Variants in RALGPS1 observed in about 807,000 individuals in gnomAD.
RALGPS1 encodes Ral GEF with PH domain and SH3 binding motif 1.
A neutral mutation model predicts 78.8 loss-of-function variants in RALGPS1; 19 were observed. The ratio of observed to expected loss-of-function variants is 0.24; its 90% CI spans 0.17 to 0.35. RALGPS1 has a LOEUF of 0.35. Among genes scored for constraint, RALGPS1 ranks in the 10% least tolerant of loss-of-function variants. RALGPS1 has a pLI of 1.00. For synonymous variants in RALGPS1, 228 were observed against 256.3 expected (o/e 0.89, Z 1.06); for missense variants, 454 against 688.3 (o/e 0.66, Z 3.81).
At chr9:127,127,196 C>T (rs930443524) in intron 8 of RALGPS1, among the ~76,000 whole-genome samples, 4 of 152,342 alleles carry the variant, frequency 2.6e-5, no homozygotes, top group African/African-American at 9.6e-5. Context: ...TCTTCCCAGA[C>T]AGTAGACTGC....
intron 1 of RALGPS1, among the ~76,000 whole-genome samples, chr9:126,918,150 A>T (rs2034368058): frequency 6.6e-6 from 1 of 152,218 alleles, no homozygotes; most frequent in South Asian, 2.1e-4. Context: ...TTGCACAAAA[A>T]TATTGTAACA....
chr9:127,094,977 A>G (rs1195515667), intron 8 of RALGPS1, among the ~76,000 whole-genome samples: 1 of 152,230 alleles, frequency 6.6e-6, no homozygotes, highest in African/African-American at 2.4e-5. Flanking sequence ...AACTTGAGTC[A>G]CCAAGGGTCT....
chr9:127,183,958 C>T lies in RALGPS1; in HGVS notation c.910+9176C>T. ...GCCAACACCCTGCCTGGATGTGGCC[C>T]AGCTCCTCACGAGTACCAGCGGCTC... On this transcript the variant is annotated intron_variant, in intron 11 of 18. Transcript: ENST00000259351. This position sits in a 1 kb window ranked among gnomAD's most constrained non-coding sequence, Gnocchi z 4.0. The T allele has an allele frequency of 6.4e-7, 1 of 1,550,468 alleles. No homozygotes were observed. The highest frequency in any genetic ancestry group is 2.4e-5 in the East Asian group (1 of 40,862).
rs938723296 is a variant in RALGPS1 at position 126,950,903 on chromosome 9, A to G, written c.-65-11322A>G. 2.2e-4 allele frequency among the ~76,000 whole-genome samples: 34 copies of G among 152,218 alleles called. 1 individual carries two copies. The highest frequency in any genetic ancestry group is 2.0e-3 in the Admixed American group (31 of 15,296). On this transcript the variant is annotated intron_variant, in intron 1 of 18. Transcript: ENST00000259351. ...AGCTGGTTTTTTGAAAGGATCAACAAAATTGATAGACTGCTAGCAAGACTA... is the reference window on the plus strand; with the variant it reads ...AGCTGGTTTTTTGAAAGGATCAACAGAATTGATAGACTGCTAGCAAGACTA...
At chr9:127,038,064 C>G (rs1259775037) in intron 5 of RALGPS1, among the ~76,000 whole-genome samples, 1 of 152,200 alleles carries the variant, frequency 6.6e-6, no homozygotes, top group Non-Finnish European at 1.5e-5. Context: ...CCAGTCTGCT[C>G]TGAACTTTCT....
chr9:127,127,174 A>G (rs751656532), intron 8 of RALGPS1, among the ~76,000 whole-genome samples: 6 of 152,016 alleles, frequency 3.9e-5, no homozygotes, highest in Non-Finnish European at 8.8e-5. Context: ...TCAAAGTCCA[A>G]CCTCTTTCCC....
intron 1 of RALGPS1, among the ~76,000 whole-genome samples, chr9:126,944,105 C>T (rs2037032360): frequency 6.6e-6 from 1 of 152,210 alleles, no homozygotes; most frequent in Non-Finnish European, 1.5e-5. Flanking sequence ...TGTCTGGGTC[C>T]CTTACCATCC....
intron 4 of RALGPS1, among the ~76,000 whole-genome samples, chr9:127,004,346 A>G (rs530169576): frequency 6.6e-5 from 10 of 152,320 alleles, no homozygotes; most frequent in South Asian, 4.1e-4. Flanking sequence ...GTGTTTCGCA[A>G]TGTTGGCCAG....
intron 8 of RALGPS1, chr9:127,088,664 G>A (rs1201544460): frequency 2.0e-6 from 1 of 489,320 alleles, no homozygotes; most frequent in Non-Finnish European, 3.7e-6. Flanking sequence ...TTTTATTGTA[G>A]AGACTTAATT....
intron 8 of RALGPS1, among the ~76,000 whole-genome samples, chr9:127,155,148 C>T (rs2058643119): frequency 6.6e-6 from 1 of 152,166 alleles, no homozygotes; most frequent in Non-Finnish European, 1.5e-5. Context: ...CGCAGCCACC[C>T]TTCCACTGAG....
chr9:127,157,681 A>G (rs2058780584), intron 8 of RALGPS1, among the ~76,000 whole-genome samples: 1 of 152,030 alleles, frequency 6.6e-6, no homozygotes, highest in Non-Finnish European at 1.5e-5. Flanking sequence ...TGATTTATGT[A>G]TATTTATTTT....
chr9:127,051,091 C>G (rs865789614), intron 6 of RALGPS1, among the ~76,000 whole-genome samples: 1 of 152,226 alleles, frequency 6.6e-6, no homozygotes, highest in African/African-American at 2.4e-5. Context: ...TACTGGCCCT[C>G]ATGGGCGGGT....
chr9:126,931,792 T>A (rs1271952032), intron 1 of RALGPS1, among the ~76,000 whole-genome samples: 2 of 152,132 alleles, frequency 1.3e-5, no homozygotes. Context: ...TATCTGAATT[T>A]AAAAAAATAA....
In RALGPS1 at chr9:127,174,696, T is replaced by C. The variant is rs376248070; in HGVS notation, c.843-19T>C. The C allele has an allele frequency of 3.0e-5, 48 of 1,613,356 alleles. No individual in the cohort carries two copies. In the African/African-American group the frequency reaches 5.7e-4, roughly 19 times the overall value. On this transcript the variant is annotated intron_variant, in intron 10 of 18. Transcript: ENST00000259351. ...GTAAACCAGAGCCCATCTGATCTTA[T>C]GAAAATCTTTGTTTTCAGACTGTCG...
intron 4 of RALGPS1, among the ~76,000 whole-genome samples, chr9:126,984,089 G>C (rs546268749): frequency 6.6e-6 from 1 of 152,180 alleles, no homozygotes; most frequent in South Asian, 2.1e-4. Flanking sequence ...TAGCAAAATG[G>C]TGACTTTTCT....
At chr9:127,161,368 T>G (rs941239334) in intron 8 of RALGPS1, among the ~76,000 whole-genome samples, 1 of 152,196 alleles carries the variant, frequency 6.6e-6, no homozygotes, top group Non-Finnish European at 1.5e-5. Context: ...GTTATTACCC[T>G]TATTCACAGT....
chr9:127,091,986 G>T lies in RALGPS1; in HGVS notation c.610+22630G>T, dbSNP rs767276881. On this transcript the variant is annotated intron_variant, in intron 8 of 18. Coordinates refer to ENST00000259351, the MANE Select transcript of RALGPS1 (RefSeq NM_014636.3). The surrounding 1 kb of genome is among the most constrained non-coding windows in gnomAD (Gnocchi z 4.3). ...TGTTAATGTGGAGCCTGCAGCACCT[G>T]CAGCCAGCAGGCTTGGCTGTCAGAC... 1 of 1,593,644 alleles carries T rather than the reference G, an allele frequency of 6.3e-7. No individual in the cohort carries two copies. Among genetic ancestry groups the T allele is most frequent in the Non-Finnish European group, 8.6e-7 (1 of 1,168,128 alleles).
chr9:127,148,608 A>G (rs533651758), intron 8 of RALGPS1, among the ~76,000 whole-genome samples: 2 of 152,340 alleles, frequency 1.3e-5, no homozygotes, highest in Admixed American at 1.3e-4. Context: ...GGTGAGGCTC[A>G]GAAGGGTGAG....
chr9:126,932,689 C>A (rs1366953402), intron 1 of RALGPS1, among the ~76,000 whole-genome samples: 1 of 151,418 alleles, frequency 6.6e-6, no homozygotes, highest in African/African-American at 2.4e-5. Flanking sequence ...ATATAATGTA[C>A]ATTATAAAAC....
Sources: gnomAD v4.1 joint callset for allele counts (sites outside exome capture counted in the v4.1 genomes callset) on GRCh38, gnomAD v4.1.1 for gene constraint, Gnocchi (gnomAD v3.1) non-coding constraint, MANE v1.5 for transcripts, NCBI Gene and HGNC (gene_info 2026-07-23, HGNC 2026-07-21) for gene names.